Variants in G6PD observed in about 807,000 individuals in gnomAD.
G6PD encodes glucose-6-phosphate dehydrogenase.
In G6PD, 2 loss-of-function variants were observed where a neutral mutation model predicts 38.2. The ratio of observed to expected loss-of-function variants is 0.05; its 90% CI spans 0.02 to 0.16. G6PD has a LOEUF of 0.16. G6PD is among the 10% of genes least tolerant of loss of function. The probability of loss-of-function intolerance (pLI) is 1.00; values close to 1 mark genes in which losing one functional copy is unlikely to be tolerated. For missense variants in G6PD, 310 were observed against 471.6 expected, an observed-to-expected ratio of 0.66 and a Z score of 3.17; for synonymous variants, 188 against 196.0, an observed-to-expected ratio of 0.96 and a Z score of 0.34.
intron 2 of G6PD, among the ~76,000 whole-genome samples, chrX:154,539,805 C>T (rs782096674): frequency 2.3e-4 from 25 of 110,321 alleles, no homozygotes; most frequent in Non-Finnish European, 2.1e-4. Flanking sequence ...TCACTGAAAT[C>T]TCCACCTCCT....
At position 154,535,172 on chromosome X, in the gene G6PD, G is replaced by C; in HGVS notation, c.481C>G (p.Gln161Glu). The change falls in exon 5 of 13, where the codon CAG (glutamine) becomes GAG (glutamate). Residue 161 changes from glutamine (Q) to glutamate (E), a missense_variant. By Grantham distance (29) the Gln-to-Glu change is conservative (BLOSUM62 2). Coordinates refer to ENST00000393562, the MANE Select transcript of G6PD (RefSeq NM_001360016.2). ...TKNIHESCMS[Q>E]IGWNRIIVEK... ...GAGGGCAACGGCAAGCCTTACATCT[G>C]GCTCATGCAGGACTCGTGAATGTTC... 1 of 1,209,971 alleles carries C rather than the reference G, an allele frequency of 8.3e-7. No homozygotes were observed. Among genetic ancestry groups the C allele is most frequent in the Non-Finnish European group, 1.1e-6 (1 of 894,594 alleles).
At chrX:154,538,133 A>C (rs1248139489) in intron 2 of G6PD, among the ~76,000 whole-genome samples, 6 of 110,320 alleles carry the variant, frequency 5.4e-5, no homozygotes, top group Admixed American at 9.7e-5. Flanking sequence ...AGCTGGGACT[A>C]CAGGTACATG....
chrX:154,540,139 C>T (rs1557231508), intron 2 of G6PD, among the ~76,000 whole-genome samples: 2 of 107,899 alleles, frequency 1.9e-5, no homozygotes, highest in Non-Finnish European at 3.9e-5. Flanking sequence ...GTCAGGAGTT[C>T]GAGACCAGCC....
At chrX:154,542,477 G>A (rs373355350) in intron 2 of G6PD, 112 of 1,163,870 alleles carry the variant, frequency 9.6e-5, no homozygotes, top group Non-Finnish European at 1.2e-4. Flanking sequence ...TCCCTTTCTG[G>A]TAGGGGTGGG....
At chrX:154,544,913 GAACT>G (rs1395733608) in intron 2 of G6PD, among the ~76,000 whole-genome samples, 18 of 112,696 alleles carry the variant, frequency 1.6e-4, no homozygotes, top group African/African-American at 5.8e-4. Flanking sequence ...CGATGTGGAA[GAACT>G]AACTAGTTTT....
chrX:154,535,817 C>T lies in G6PD; in HGVS notation c.267+120G>A, dbSNP rs186331440. 3,635 of 577,305 alleles carry T rather than the reference C, an allele frequency of 6.3e-3. 9 individuals carry two copies. The highest frequency in any genetic ancestry group is 7.9e-3 in the Non-Finnish European group (2,701 of 340,336). The allele number at this position is 577,305 out of a possible 1,213,427, so 47.6% of individuals were successfully genotyped here. On this transcript the variant is annotated intron_variant, in intron 4 of 12. Transcript: ENST00000393562. ...CAAGGAAGTACGAGAGCAGGCGGGG[C>T]GGGGCAGGAGAGGAGGAGAGCATCC...
At chrX:154,533,876 G>A in intron 7 of G6PD, 159 bp downstream of exon 7, 1 of 1,199,356 alleles carries the variant, frequency 8.3e-7, no homozygotes, top group Non-Finnish European at 1.1e-6. Flanking sequence ...TGGCTGTGTA[G>A]GGGTCCAGCC....
In G6PD at chrX:154,531,512, T is replaced by G; in HGVS notation, c.*488A>C. ...CACGGGGTGGCCATGGAGTGCAGAGTTGGTGGGACAGGGGACATCCAGGGG... is the reference window on the plus strand; with the variant it reads ...CACGGGGTGGCCATGGAGTGCAGAGGTGGTGGGACAGGGGACATCCAGGGG... On this transcript the variant is annotated 3_prime_UTR_variant, in exon 13 of 13. Transcript: ENST00000393562. The G allele has an allele frequency of 6.6e-6, 1 of 151,797 alleles. No individual in the cohort carries two copies. Among genetic ancestry groups the G allele is most frequent in the Non-Finnish European group, 1.3e-5 (1 of 77,041 alleles). The allele number at this position is 151,797 out of a possible 1,213,427, so 12.5% of individuals were successfully genotyped here.
intron 2 of G6PD, chrX:154,545,745 G>A (rs782163495): frequency 1.2e-4 from 34 of 282,842 alleles, no homozygotes; most frequent in Non-Finnish European, 2.0e-4. Flanking sequence ...TGAGGCAGGA[G>A]AATCGCTTGA....
At position 154,535,892 on chromosome X, in the gene G6PD, TAG is replaced by T. The variant is rs782445404; in HGVS notation, c.267+43_267+44del. The T allele has an allele frequency of 8.3e-6, 9 of 1,085,752 alleles. No individual in the cohort carries two copies. In the Admixed American group the frequency reaches 2.0e-4, roughly 24 times the overall value. The allele number at this position is 1,085,752 out of a possible 1,213,427, so 89.5% of individuals were successfully genotyped here. A position where few individuals can be genotyped will look rare whatever the true frequency, so the allele number is the denominator to read the frequency against. Reference sequence around the variant, plus strand: ...CGAAGCTGGCCATGCTGGGGGCTGGTAGAGAGGGCAGAACCAGGCTGGGGGAG... The same window carrying T: ...CGAAGCTGGCCATGCTGGGGGCTGGTAGAGGGCAGAACCAGGCTGGGGGAG... On this transcript the variant is annotated intron_variant, in intron 4 of 12. Coordinates refer to ENST00000393562, the MANE Select transcript of G6PD (RefSeq NM_001360016.2).
rs2070712445 is a variant in G6PD at position 154,546,274 on chromosome X, C to T, written c.-8-111G>A. The T allele has an allele frequency of 8.0e-6, 8 of 1,002,791 alleles. No homozygotes were observed. The South Asian group carries it at 1.5e-4, about 19-fold the overall frequency. 82.6% of individuals were successfully genotyped at this position (1,002,791 alleles called of 1,213,427 possible). A position where few individuals can be genotyped will look rare whatever the true frequency, so the allele number is the denominator to read the frequency against. On this transcript the variant is annotated intron_variant, in intron 1 of 12. Transcript: ENST00000393562. The stretch of plus-strand genomic sequence containing the variant: ...CTCACACCAGGGTGACACCTGATTG[C>T]CCAAATCACTCCTTGTGAACGGCTG...
chrX:154,536,143 G>A lies in G6PD; in HGVS notation c.156C>T (p.Ile52=). Residue 52 remains isoleucine, a splice_region_variant and synonymous_variant, in exon 3 of 13, where the codon ATC becomes ATT. Transcript: ENST00000393562. ...GGGCAGTGGTGGGACACACTTACCA[G>A]ATGGTGGGGTAGATCTTCTTCTTGG... is the stretch of plus-strand genomic sequence containing the variant. ...DLAKKKIYPT[I]WWLFRDGLLP... 1 of 1,211,684 alleles carries A rather than the reference G, an allele frequency of 8.3e-7. No homozygotes were observed. The highest frequency in any genetic ancestry group is 1.1e-6 in the Non-Finnish European group (1 of 895,230).
upstream of G6PD, chrX:154,547,294 G>A (rs1603415973): frequency 5.4e-6 from 4 of 745,215 alleles, no homozygotes; most frequent in South Asian, 2.7e-4. Flanking sequence ...CACTCCCCCG[G>A]GAACCCTCGC....
chrX:154,542,449 G>T, intron 2 of G6PD: 2 of 1,178,174 alleles, frequency 1.7e-6, no homozygotes, highest in Non-Finnish European at 2.3e-6. Context: ...TCTGGAAGGG[G>T]GCAGTAAGTA....
chrX:154,538,698 C>T (rs921285207), intron 2 of G6PD, among the ~76,000 whole-genome samples: 3 of 111,630 alleles, frequency 2.7e-5, no homozygotes, highest in African/African-American at 6.5e-5. Context: ...GAGGCCGAGG[C>T]GGGGAATCGC....
Position 154,532,031 on chromosome X carries a change from G to C in G6PD, c.1517C>G (p.Thr506Ser), listed in dbSNP as rs375285369. The C allele has an allele frequency of 2.6e-5, 31 of 1,208,692 alleles. No individual in the cohort carries two copies. The highest frequency in any genetic ancestry group is 3.4e-5 in the Non-Finnish European group (30 of 894,858). The part of the protein sequence containing the change: ...MKRVGFQYEG[T>S]YKWVNPHKL ...CTTGTGGGGGTTCACCCACTTGTAG[G>C]TGCCCTCATACTGGAAACCCACTCT... Residue 506 changes from threonine (T) to serine (S), a missense_variant, in exon 13 of 13, where the codon ACC becomes AGC. Physicochemically the swap from Thr to Ser is moderately conservative, Grantham distance 58. Coordinates refer to ENST00000393562, the MANE Select transcript of G6PD (RefSeq NM_001360016.2).
chrX:154,535,720 G>A (rs1213787326), intron 4 of G6PD: 5 of 457,887 alleles, frequency 1.1e-5, no homozygotes, highest in East Asian at 3.7e-5. Context: ...TATGATTGGC[G>A]GAGAAAACGC....
upstream of G6PD, chrX:154,546,867 C>T: frequency 9.1e-7 from 1 of 1,103,129 alleles, no homozygotes; most frequent in South Asian, 2.1e-5. Flanking sequence ...CCCCGCCGGC[C>T]CATTTAATCG....
intron 2 of G6PD, among the ~76,000 whole-genome samples, chrX:154,539,754 ACT>A (rs1557231439): frequency 1.8e-5 from 2 of 108,736 alleles, no homozygotes; most frequent in Admixed American, 2.0e-4. Flanking sequence ...ACGGAGTCTC[ACT>A]CTGTCGGCCA....
Sources: gnomAD v4.1 joint callset for allele counts (sites outside exome capture counted in the v4.1 genomes callset) on GRCh38, gnomAD v4.1.1 for gene constraint, MANE v1.5 for transcripts, NCBI Gene and HGNC (gene_info 2026-07-23, HGNC 2026-07-21) for gene names.